Variants in LRP6 observed in about 807,000 individuals in gnomAD.
The protein encoded by LRP6 is low-density lipoprotein receptor-related protein 6.
LRP6 carries 43 observed loss-of-function variants against 184.1 expected under a neutral mutation model. The ratio of observed to expected loss-of-function variants is 0.23; its 90% CI spans 0.18 to 0.30. LRP6 has a LOEUF of 0.30. Among genes scored for constraint, LRP6 ranks in the 10% least tolerant of loss-of-function variants. The pLI is 1.00. For synonymous variants in LRP6, 719 were observed against 684.9 expected (o/e 1.05, Z -0.78); for missense variants, 1,571 against 2,005.3 (o/e 0.78, Z 4.14).
At chr12:12,229,949 T>C (rs933591857) in intron 2 of LRP6, among the ~76,000 whole-genome samples, 3 of 152,228 alleles carry the variant, frequency 2.0e-5, no homozygotes, top group African/African-American at 7.2e-5. Context: ...CAGCTCCACT[T>C]TGCAATAGTA....
chr12:12,164,544 T>C lies in LRP6; in HGVS notation c.1781A>G (p.Glu594Gly). The C allele has an allele frequency of 6.2e-7, 1 of 1,614,096 alleles. No individual in the cohort carries two copies. The highest frequency in any genetic ancestry group is 1.7e-5 in the Admixed American group (1 of 60,010). The stretch of plus-strand genomic sequence containing the variant: ...GAGATGGCTACATCCCCCGTTTTCC[T>C]CAGCACAGGGGTTGGAACCTAAAAG... ...HRVIGSNPCA[E>G]ENGGCSHLCL... Residue 594 changes from glutamate (E) to glycine (G), a missense_variant, in exon 9 of 23, where the codon GAG becomes GGG. Coordinates refer to ENST00000261349, the MANE Select transcript of LRP6 (RefSeq NM_002336.3).
intron 12 of LRP6, among the ~76,000 whole-genome samples, chr12:12,154,590 C>A (rs1017211601): frequency 6.6e-6 from 1 of 152,126 alleles, no homozygotes; most frequent in East Asian, 1.9e-4. Context: ...TAGAGCCTAG[C>A]GCAGTGGCAT....
intron 4 of LRP6, 171 bp downstream of exon 4, chr12:12,186,752 G>C (rs986148433): frequency 1.3e-5 from 8 of 630,330 alleles, no homozygotes; most frequent in Non-Finnish European, 2.3e-5. Flanking sequence ...TCGGCCTCCC[G>C]AGTTCAAGTG....
intron 3 of LRP6, among the ~76,000 whole-genome samples, chr12:12,199,994 A>AACAC (rs1336205752): frequency 8.1e-6 from 1 of 124,010 alleles, no homozygotes; most frequent in African/African-American, 2.9e-5. Context: ...AAAAAAAAAA[A>AACAC]ACACAAGGCT....
At chr12:12,135,898 G>A (rs1290691778) in intron 16 of LRP6, among the ~76,000 whole-genome samples, 2 of 152,070 alleles carry the variant, frequency 1.3e-5, no homozygotes, top group Non-Finnish European at 2.9e-5. Flanking sequence ...AAATTGCTAG[G>A]GAGAGGCCGG....
chr12:12,133,862 G>GGGAAA (rs1949793348), intron 17 of LRP6, among the ~76,000 whole-genome samples: 1 of 38,636 alleles, frequency 2.6e-5, no homozygotes, highest in African/African-American at 1.1e-4. Context: ...GGGGGGGGGG[G>GGGAAA]AGGGTAAAGT....
At chr12:12,210,672 G>A (rs186408733) in intron 2 of LRP6, among the ~76,000 whole-genome samples, 1 of 152,200 alleles carries the variant, frequency 6.6e-6, no homozygotes, top group East Asian at 1.9e-4. Flanking sequence ...ACTCTGAAAG[G>A]ACCTATAAAA....
chr12:12,239,957 A>G (rs1865019298), intron 2 of LRP6, among the ~76,000 whole-genome samples: 1 of 151,814 alleles, frequency 6.6e-6, no homozygotes, highest in Non-Finnish European at 1.5e-5. Flanking sequence ...ATATTACTTG[A>G]TATGAAGAAA....
rs146224493 is a variant in LRP6 at position 12,199,964 on chromosome 12, C to CAAA, written c.647+3236_647+3238dup. On this transcript the variant is annotated intron_variant, in intron 3 of 22. Coordinates refer to ENST00000261349, the MANE Select transcript of LRP6 (RefSeq NM_002336.3). ...TGGGCAACAGAGCGAGACTCCATCT[C>CAAA]AAAAAAAAAAAAAAAAAAAAAAAAA... is the stretch of plus-strand genomic sequence containing the variant. 2.5e-3 allele frequency among the ~76,000 whole-genome samples: 112 copies of CAAA among 45,200 alleles called. 7 individuals carry two copies. Among genetic ancestry groups the CAAA allele is most frequent in the African/African-American group, 9.2e-3 (94 of 10,264 alleles). The allele number at this position is 45,200 out of a possible 152,430, so 29.7% of individuals were successfully genotyped here.
At chr12:12,173,730 C>T (rs1863105110) in intron 7 of LRP6, among the ~76,000 whole-genome samples, 1 of 152,132 alleles carries the variant, frequency 6.6e-6, no homozygotes, top group Non-Finnish European at 1.5e-5. Flanking sequence ...AGGGATCCTC[C>T]CACCTCAACC....
At chr12:12,174,263 C>T (rs568084987) in intron 7 of LRP6, among the ~76,000 whole-genome samples, 4 of 152,142 alleles carry the variant, frequency 2.6e-5, no homozygotes, top group Non-Finnish European at 5.9e-5. Context: ...AGGCGCATGC[C>T]ACCACGTTTG....
chr12:12,246,000 T>C (rs1230080821), intron 1 of LRP6, among the ~76,000 whole-genome samples: 2 of 142,330 alleles, frequency 1.4e-5, no homozygotes, highest in Non-Finnish European at 3.1e-5. Context: ...TATAAACTTT[T>C]TTTTTTTTTT....
chr12:12,166,070 A>G lies in LRP6; in HGVS notation c.1546-775T>C, dbSNP rs1862870698. Among the ~76,000 whole-genome samples the G allele has an allele frequency of 2.6e-5, 4 of 152,198 alleles. 1 individual carries two copies. Among genetic ancestry groups the G allele is most frequent in the African/African-American group, 7.2e-5 (3 of 41,434 alleles). On this transcript the variant is annotated intron_variant, in intron 7 of 22. Transcript: ENST00000261349. ...TACCTTTATTGACATAATATAACTA[A>G]TATTTGATATTTACATATAAGATTA...
chr12:12,162,589 A>T lies in LRP6; in HGVS notation c.2053-170T>A, dbSNP rs542251851. Among the ~76,000 whole-genome samples the T allele has an allele frequency of 2.3e-3, 352 of 152,332 alleles. 3 individuals are homozygous for T. The South Asian group carries it at 0.026, about 11-fold the overall frequency. On this transcript the variant is annotated intron_variant, in intron 9 of 22. Coordinates refer to ENST00000261349, the MANE Select transcript of LRP6 (RefSeq NM_002336.3). ...GCAAGCACAGAAAAATTTGATGTCA[A>T]TCTCTAATAAATGCAACTTCAAGTT...
chr12:12,248,727 G>A (rs774121722), intron 1 of LRP6, among the ~76,000 whole-genome samples: 4 of 151,834 alleles, frequency 2.6e-5, no homozygotes, highest in African/African-American at 9.7e-5. Context: ...TGATCCGCCC[G>A]CCTCGGCCTC....
chr12:12,138,609 A>G, intron 15 of LRP6, 75 bp from the exon 16 acceptor site: 1 of 1,382,114 alleles, frequency 7.2e-7, no homozygotes, highest in Non-Finnish European at 1.0e-6. Context: ...TTTACTGACT[A>G]CCAGTTAGAT....
intron 8 of LRP6, among the ~76,000 whole-genome samples, 159 bp downstream of exon 8, chr12:12,164,920 A>T (rs1022293396): frequency 1.9e-3 from 38 of 19,846 alleles, no homozygotes; most frequent in African/African-American, 0.017. Context: ...CCTTCTCAGT[A>T]AAAAAAAAAA....
chr12:12,134,613 G>A (rs929989937), intron 17 of LRP6, among the ~76,000 whole-genome samples: 2 of 152,216 alleles, frequency 1.3e-5, no homozygotes, highest in South Asian at 4.2e-4. Flanking sequence ...GGAATTTGCT[G>A]ATGGATTTGA....
intron 7 of LRP6, among the ~76,000 whole-genome samples, chr12:12,167,217 GTT>G (rs1413636556): frequency 6.6e-6 from 1 of 152,168 alleles, no homozygotes; most frequent in African/African-American, 2.4e-5. Flanking sequence ...CTATTTACCA[GTT>G]TCCCTTCATT....
Sources: allele counts gnomAD v4.1 joint callset (sites outside exome capture counted in the v4.1 genomes callset), GRCh38; gene constraint gnomAD v4.1.1; transcripts MANE v1.5; gene names NCBI Gene and HGNC (gene_info 2026-07-23, HGNC 2026-07-21).